The following STK3 variants were observed in gnomAD, a reference collection of about 807,000 sequenced individuals.
STK3 encodes serine/threonine kinase 3.
A neutral mutation model predicts 58.0 loss-of-function variants in STK3; 41 were observed. The ratio of observed to expected loss-of-function variants is 0.71; its 90% CI spans 0.55 to 0.92. The LOEUF (loss-of-function observed/expected upper bound fraction) is 0.92. Among genes scored for constraint, STK3 ranks in the 40% least tolerant of loss-of-function variants. The pLI, the probability that STK3 is intolerant of heterozygous loss-of-function variation, is 0.00. For missense variants in STK3, 479 were observed against 602.7 expected (o/e 0.79, Z 2.15); for synonymous variants, 170 against 191.0 (o/e 0.89, Z 0.91).
At chr8:98,833,225 G>A (rs1409994781) in intron 3 of STK3, among the ~76,000 whole-genome samples, 1 of 152,166 alleles carries the variant, frequency 6.6e-6, no homozygotes, top group East Asian at 1.9e-4. Context: ...CAGGGGGAGG[G>A]TTCCAGGTCA....
chr8:98,743,825 C>T (rs1450903440), intron 4 of STK3, among the ~76,000 whole-genome samples: 1 of 151,906 alleles, frequency 6.6e-6, no homozygotes, highest in Non-Finnish European at 1.5e-5. Flanking sequence ...AAAATTTTCG[C>T]AACCTACTCA....
At chr8:98,473,180 A>G (rs1727960403) in intron 10 of STK3, among the ~76,000 whole-genome samples, 1 of 152,154 alleles carries the variant, frequency 6.6e-6, no homozygotes, top group African/African-American at 2.4e-5. Context: ...CAAGAGCCCG[A>G]AATTCTTTCT....
At chr8:98,686,771 A>T (rs1824030857) in intron 6 of STK3, among the ~76,000 whole-genome samples, 2 of 152,192 alleles carry the variant, frequency 1.3e-5, no homozygotes, top group Non-Finnish European at 2.9e-5. Flanking sequence ...AATTTACTAG[A>T]GGAATCTCAA....
At chr8:98,561,499 T>G (rs998099882) in intron 8 of STK3, among the ~76,000 whole-genome samples, 1 of 152,012 alleles carries the variant, frequency 6.6e-6, no homozygotes, top group Admixed American at 6.6e-5. Context: ...GCTGGTATCA[T>G]CATAATAAAA....
At chr8:98,862,835 T>C (rs1239855977) in intron 3 of STK3, among the ~76,000 whole-genome samples, 1 of 152,222 alleles carries the variant, frequency 6.6e-6, no homozygotes, top group Non-Finnish European at 1.5e-5. Flanking sequence ...TAGGACTTAA[T>C]TGGATGAAGT....
At chr8:98,520,276 A>C (rs1265469842) in intron 10 of STK3, among the ~76,000 whole-genome samples, 1 of 152,128 alleles carries the variant, frequency 6.6e-6, no homozygotes, top group Non-Finnish European at 1.5e-5. Flanking sequence ...TTTATCTCCT[A>C]TCTTTTTATG....
chr8:98,908,843 CAAAAAAAAA>C (rs1187304586), intron 1 of STK3, among the ~76,000 whole-genome samples: 10 of 60,454 alleles, frequency 1.7e-4, no homozygotes, highest in Admixed American at 6.4e-4. Flanking sequence ...GACTTCTTCT[CAAAAAAAAA>C]AAAAAAAAAA....
intron 3 of STK3, chr8:98,413,311 G>A: frequency 2.1e-6 from 1 of 475,930 alleles, no homozygotes; most frequent in Non-Finnish European, 4.2e-6. Context: ...CACCATGCCT[G>A]GCCTAATTTT....
chr8:98,628,716 A>G (rs1818930047), intron 6 of STK3, among the ~76,000 whole-genome samples: 1 of 151,458 alleles, frequency 6.6e-6, no homozygotes, highest in African/African-American at 2.4e-5. Context: ...GCAGAAGAAC[A>G]GCTTGAGGCC....
intron 1 of STK3, among the ~76,000 whole-genome samples, chr8:98,789,431 A>T (rs1439886744): frequency 2.0e-5 from 3 of 152,150 alleles, no homozygotes; most frequent in Non-Finnish European, 2.9e-5. Flanking sequence ...ATTAAATTGA[A>T]ACAAAAAAAA....
intron 1 of STK3, among the ~76,000 whole-genome samples, chr8:98,824,590 G>A (rs1187379210): frequency 2.0e-5 from 3 of 152,154 alleles, no homozygotes; most frequent in Admixed American, 2.0e-4. Flanking sequence ...GTCCCTTTTG[G>A]AAACTCCTTC....
intron 3 of STK3, among the ~76,000 whole-genome samples, chr8:98,842,782 T>A (rs1217214834): frequency 6.6e-6 from 1 of 152,038 alleles, no homozygotes; most frequent in Non-Finnish European, 1.5e-5. Flanking sequence ...AGGTGGATTG[T>A]TTGAGCTCAG....
At chr8:98,922,037 G>A (rs1839585709) in intron 1 of STK3, among the ~76,000 whole-genome samples, 2 of 152,112 alleles carry the variant, frequency 1.3e-5, no homozygotes, top group Non-Finnish European at 2.9e-5. Flanking sequence ...TCACTACAGA[G>A]GTTGGAAAGC....
chr8:98,553,592 C>T (rs778759848), intron 8 of STK3, among the ~76,000 whole-genome samples: 65 of 152,062 alleles, frequency 4.3e-4, no homozygotes, highest in Non-Finnish European at 5.6e-4. Context: ...CCATTAACTA[C>T]AATTATTCAG....
intron 2 of STK3, among the ~76,000 whole-genome samples, chr8:98,769,328 T>G (rs1009824759): frequency 4.6e-5 from 7 of 152,166 alleles, no homozygotes; most frequent in Admixed American, 2.6e-4. Flanking sequence ...GATGACTGAA[T>G]CATGGGGGCA....
At chr8:98,346,137 T>C in the STK3 span, among the ~76,000 whole-genome samples, 1 of 151,666 alleles carries the variant, frequency 6.6e-6, no homozygotes, top group South Asian at 2.1e-4. Context: ...ATACAAAAAT[T>C]AGCCAGGCAT....
At chr8:98,401,690 C>T (rs901423968) in intron 3 of STK3, among the ~76,000 whole-genome samples, 2 of 152,134 alleles carry the variant, frequency 1.3e-5, no homozygotes, top group African/African-American at 4.8e-5. Context: ...ATTATGTTGC[C>T]GACCACATGG....
At chr8:98,775,815 G>A (rs1321389808) in intron 1 of STK3, among the ~76,000 whole-genome samples, 1 of 152,132 alleles carries the variant, frequency 6.6e-6, no homozygotes, top group Non-Finnish European at 1.5e-5. Flanking sequence ...TCTCAAATGT[G>A]TACTGAAAGA....
intron 1 of STK3, among the ~76,000 whole-genome samples, chr8:98,938,872 C>A (rs1286832852): frequency 6.6e-6 from 1 of 151,934 alleles, no homozygotes; most frequent in African/African-American, 2.4e-5. Flanking sequence ...ACAAGGAAGG[C>A]AGGCAAGTGT....
Sources: allele counts gnomAD v4.1 joint callset (sites outside exome capture counted in the v4.1 genomes callset), GRCh38; gene constraint gnomAD v4.1.1; transcripts MANE v1.5; gene names NCBI Gene and HGNC (gene_info 2026-07-23, HGNC 2026-07-21).